The following TUBGCP2 variants were observed in gnomAD, a reference collection of about 807,000 sequenced individuals.
TUBGCP2 encodes the protein gamma-tubulin complex component 2.
In TUBGCP2, 55 loss-of-function variants were observed where a neutral mutation model predicts 92.2. The observed-to-expected ratio is 0.60, with a 90% CI of 0.48 to 0.75. The LOEUF (loss-of-function observed/expected upper bound fraction) is 0.75, where lower values mean the gene tolerates loss of function less well. TUBGCP2 is among the 30% of genes least tolerant of loss of function. The probability of loss-of-function intolerance (pLI) is 0.00; values close to 1 mark genes in which losing one functional copy is unlikely to be tolerated. For missense variants in TUBGCP2, 1,093 were observed against 1,188.9 expected (o/e 0.92, Z 1.19); for synonymous variants, 533 against 505.2 (o/e 1.06, Z -0.74).
chr10:133,310,016 T>C, upstream of TUBGCP2: 5 of 1,611,252 alleles, frequency 3.1e-6, no homozygotes, highest in South Asian at 1.1e-5. Flanking sequence ...CCACCCCCCA[T>C]TGGTGATGGG....
At chr10:133,282,860 C>T (rs1345352458) in intron 15 of TUBGCP2, among the ~76,000 whole-genome samples, 1 of 152,318 alleles carries the variant, frequency 6.6e-6, no homozygotes, top group African/African-American at 2.4e-5. Context: ...AGGGATGGTT[C>T]GGGAGGAACA....
Position 133,292,676 on chromosome 10 carries a change from T to G in TUBGCP2, c.1037A>C (p.Asp346Ala). Reference sequence around the variant, plus strand: ...GGACCCCCCAAGACATTCGCCTTTGTCCACCGAGGTGGCTGTGGGGAGAAA... The same window carrying G: ...GGACCCCCCAAGACATTCGCCTTTGGCCACCGAGGTGGCTGTGGGGAGAAA... ...DILASLATSVDKGECLGGSTL... is the reference protein window; with the variant it reads ...DILASLATSVAKGECLGGSTL... Residue 346 changes from aspartate (D) to alanine (A), a missense_variant, in exon 8 of 18, where the codon GAC (aspartate) becomes GCC (alanine). Around this residue, in one of 3 missense-constraint regions of TUBGCP2, gnomAD observed 490 missense variants for 488.5 expected, o/e 1.00. Transcript: ENST00000252936. 6.2e-7 allele frequency: 1 copy of G among 1,613,276 alleles called. No individual in the cohort carries two copies. The highest frequency in any genetic ancestry group is 8.5e-7 in the Non-Finnish European group (1 of 1,179,602).
chr10:133,281,270 C>A lies in TUBGCP2; in HGVS notation c.2573+3G>T. The A allele has an allele frequency of 6.2e-7, 1 of 1,610,016 alleles. No individual in the cohort carries two copies. Among genetic ancestry groups the A allele is most frequent in the South Asian group, 1.1e-5 (1 of 91,014 alleles). On this transcript the variant is annotated splice_donor_region_variant and intron_variant, in intron 17 of 17. Coordinates refer to ENST00000252936, the MANE Select transcript of TUBGCP2 (RefSeq NM_006659.4). Reference sequence around the variant, plus strand: ...GGGCTGAGCCGGGGTGGCGCCCACCCACCTGGAGATGACGCTGGCCATGCC... The same window carrying A: ...GGGCTGAGCCGGGGTGGCGCCCACCAACCTGGAGATGACGCTGGCCATGCC...
rs776955320 is a variant in TUBGCP2 at position 133,279,792 on chromosome 10, G to A, written c.2683C>T (p.Pro895Ser). Residue 895 changes from proline to serine, a missense_variant, in exon 18 of 18, where the codon CCC (proline) becomes TCC (serine). Physicochemically the swap from Pro to Ser is moderately conservative, Grantham distance 74. Transcript: ENST00000252936. The part of the protein sequence containing the change: ...PVLRGPPAPA[P>S]RVAVTAQ Reference sequence around the variant, plus strand: ...CACTGTGCGGTGACTGCGACCCTGGGTGCAGGAGCCGGGGGCCCCCGCAGG... The same window carrying A: ...CACTGTGCGGTGACTGCGACCCTGGATGCAGGAGCCGGGGGCCCCCGCAGG... The A allele has an allele frequency of 3.8e-6, 6 of 1,566,672 alleles. No individual in the cohort carries two copies. In the East Asian group the frequency reaches 1.2e-4, roughly 31 times the overall value.
chr10:133,285,536 G>A lies in TUBGCP2; in HGVS notation c.1815C>T (p.Pro605=). ...CCAGGCCGCTCAGCGCCAGCTCCGT[G>A]GGGTCGGCGTGCGCCATCGCCTTCT... ...KQEKAMAHAD[P]TELALSGLEA... Residue 605 remains proline, a synonymous_variant, in exon 12 of 18, where the codon CCC becomes CCT. Transcript: ENST00000252936. The surrounding 1 kb of genome is among the most constrained non-coding windows in gnomAD (Gnocchi z 6.8). The A allele has an allele frequency of 6.3e-7, 1 of 1,597,866 alleles. No individual in the cohort carries two copies. The highest frequency in any genetic ancestry group is 1.1e-5 in the South Asian group (1 of 89,774).
chr10:133,283,015 G>T, intron 15 of TUBGCP2, 63 bp downstream of exon 15: 2 of 1,594,728 alleles, frequency 1.3e-6, no homozygotes, highest in African/African-American at 1.3e-5. Context: ...GTGCGGCCAC[G>T]GTCGGGACAT....
In TUBGCP2 at chr10:133,298,067, T is replaced by C; in HGVS notation, c.501A>G (p.Lys167=). The change falls in exon 5 of 18, where the codon AAA becomes AAG. Residue 167 remains lysine, a synonymous_variant. Coordinates refer to ENST00000252936, the MANE Select transcript of TUBGCP2 (RefSeq NM_006659.4). ...TGGGGAGGTGCTGGCCTGAATTTTT[T>C]TTGTTCTGCTTGTCTCGAAGCATCT... The part of the protein sequence containing the change: ...KRKMLRDKQN[K]KNSGQHLPIF... 1 of 1,614,182 alleles carries C rather than the reference T, an allele frequency of 6.2e-7. No individual in the cohort carries two copies. The highest frequency in any genetic ancestry group is 1.3e-5 in the African/African-American group (1 of 75,062).
At chr10:133,291,292 T>C (rs1482935257) in intron 8 of TUBGCP2, among the ~76,000 whole-genome samples, 3 of 100,900 alleles carry the variant, frequency 3.0e-5, no homozygotes, top group African/African-American at 5.6e-5. Context: ...TGTCCCTGTG[T>C]CCCGGGGAGC....
At chr10:133,283,280 A>G (rs2995325) in intron 14 of TUBGCP2, 59 bp from the exon 15 acceptor site, 1,437,723 of 1,609,168 alleles carry the variant, frequency 0.89, 642,858 homozygotes, top group East Asian at 0.94. Context: ...CGGGCCCTGC[A>G]TGCGCACGTG....
At chr10:133,292,976 CT>C in intron 7 of TUBGCP2, 62 bp downstream of exon 7, 1 of 1,567,112 alleles carries the variant, frequency 6.4e-7, no homozygotes, top group African/African-American at 1.3e-5. Context: ...TCTCCTCACA[CT>C]GGGTGCCATG....
chr10:133,285,337 AGGCCG>A lies in TUBGCP2; in HGVS notation c.1895+114_1895+118del. ...AGCCCGTGAATCTCTCGGACACTGA[AGGCCG>A]GGGAGAGCCGCCTTGGGTCCTCTGT... On this transcript the variant is annotated intron_variant, in intron 12 of 17. Coordinates refer to ENST00000252936, the MANE Select transcript of TUBGCP2 (RefSeq NM_006659.4). The surrounding 1 kb of genome is among the most constrained non-coding windows in gnomAD (Gnocchi z 6.8). 1.3e-6 allele frequency: 2 copies of A among 1,588,686 alleles called. No homozygotes were observed. The highest frequency in any genetic ancestry group is 1.7e-6 in the Non-Finnish European group (2 of 1,169,468).
chr10:133,288,908 C>T lies in TUBGCP2; in HGVS notation c.1473G>A (p.Ala491=), dbSNP rs145360859. The change falls in exon 10 of 18, where the codon GCG becomes GCA. Residue 491 remains alanine (A), a synonymous_variant. Transcript: ENST00000252936. ...GCAGCACCTTGCTGGCGTAGTTAAA[C>T]GCCTTCTCGATCTGCTCCACATACG... is the stretch of plus-strand genomic sequence containing the variant. ...ERAYVEQIEK[A]FNYASKVLLD... is the part of the protein sequence containing the mutation. The T allele has an allele frequency of 2.9e-5, 47 of 1,614,110 alleles. No homozygotes were observed. The highest frequency in any genetic ancestry group is 3.3e-4 in the Middle Eastern group (2 of 6,084).
chr10:133,288,452 G>A (rs1026559378), intron 10 of TUBGCP2, 143 bp from the exon 11 acceptor site: 35 of 1,047,552 alleles, frequency 3.3e-5, no homozygotes, highest in South Asian at 1.6e-5. Context: ...GCAGGTGCCC[G>A]CCACGGCCAG....
intron 15 of TUBGCP2, among the ~76,000 whole-genome samples, 163 bp from the exon 16 acceptor site, chr10:133,282,505 T>C (rs1589820906): frequency 6.6e-6 from 1 of 152,234 alleles, no homozygotes; most frequent in Non-Finnish European, 1.5e-5. Flanking sequence ...GACTTATCTG[T>C]GCCGACAGAA....
At chr10:133,297,064 A>G (rs181940375) in intron 5 of TUBGCP2, among the ~76,000 whole-genome samples, 1 of 152,304 alleles carries the variant, frequency 6.6e-6, no homozygotes, top group African/African-American at 2.4e-5. Context: ...CAAGATAAGC[A>G]GGTATGCTCT....
chr10:133,283,355 T>A, intron 14 of TUBGCP2, 134 bp from the exon 15 acceptor site: 1 of 1,302,444 alleles, frequency 7.7e-7, no homozygotes, highest in South Asian at 1.4e-5. Flanking sequence ...CTTGGGCTTT[T>A]AGGGGAAAAC....
rs150075656 is a variant in TUBGCP2, at chr10:133,289,136, AGTCT to A, written c.1361-120_1361-117del. 1,402 of 1,178,436 alleles carry A rather than the reference AGTCT, an allele frequency of 1.2e-3. 9 individuals are homozygous for A. The African/African-American group carries it at 0.019, about 16-fold the overall frequency. The allele number at this position is 1,178,436 out of a possible 1,614,324, so 73.0% of individuals were successfully genotyped here. On this transcript the variant is annotated intron_variant, in intron 9 of 17. Coordinates refer to ENST00000252936, the MANE Select transcript of TUBGCP2 (RefSeq NM_006659.4). The stretch of plus-strand genomic sequence containing the variant: ...CATTGAATGGGCTCTCCACACGGTC[AGTCT>A]GAGGCCCCAGCTGTCTTTGTCTACA...
chr10:133,294,482 ACT>A (rs1487837856), intron 5 of TUBGCP2, among the ~76,000 whole-genome samples: 1 of 151,556 alleles, frequency 6.6e-6, no homozygotes, highest in Admixed American at 6.6e-5. Flanking sequence ...TTACAAAATC[ACT>A]CTGTCAGCCT....
At chr10:133,310,565 C>T (rs542173738), upstream of TUBGCP2, 6 of 466,812 alleles carry the variant, frequency 1.3e-5, no homozygotes, top group Admixed American at 3.5e-5. Context: ...GCAGCGCCTC[C>T]GCACTCACAC....
Sources: allele counts gnomAD v4.1 joint callset (sites outside exome capture counted in the v4.1 genomes callset), GRCh38; gene constraint gnomAD v4.1.1; regional missense constraint gnomAD v4.1.1; non-coding constraint Gnocchi (gnomAD v3.1); transcripts MANE v1.5; gene names NCBI Gene and HGNC (gene_info 2026-07-23, HGNC 2026-07-21).